SGTB: variants seen among roughly 807,000 people sequenced by gnomAD.
SGTB encodes the protein small glutamine-rich tetratricopeptide repeat-containing protein beta.
Under a neutral mutation model 43.9 loss-of-function variants are expected in SGTB, and 19 were observed. The ratio of observed to expected loss-of-function variants is 0.43; its 90% CI spans 0.30 to 0.63. The LOEUF is 0.63. Among genes scored for constraint, SGTB ranks in the 30% least tolerant of loss-of-function variants. The pLI, the probability that SGTB is intolerant of heterozygous loss-of-function variation, is 0.12. For missense variants in SGTB, 304 were observed against 358.9 expected (o/e 0.85, Z 1.24); for synonymous variants, 116 against 117.3 (o/e 0.99, Z 0.07).
At chr5:65,716,302 A>G (rs1245376385) in intron 2 of SGTB, among the ~76,000 whole-genome samples, 1 of 152,248 alleles carries the variant, frequency 6.6e-6, no homozygotes, top group Non-Finnish European at 1.5e-5. Flanking sequence ...AATATGTCAC[A>G]GAAGTCAAAT....
chr5:65,700,611 G>A (rs1037617852), intron 5 of SGTB, among the ~76,000 whole-genome samples: 29 of 150,814 alleles, frequency 1.9e-4, no homozygotes, highest in African/African-American at 6.8e-4. Context: ...AACCCGGGAG[G>A]CGGAGCTTGC....
At chr5:65,678,286 A>G (rs977593091) in intron 8 of SGTB, among the ~76,000 whole-genome samples, 1 of 152,240 alleles carries the variant, frequency 6.6e-6, no homozygotes, top group African/African-American at 2.4e-5. Context: ...AATACAGCTA[A>G]CAGGCAAAGT....
At chr5:65,672,369 A>G (rs1639634505) in intron 8 of SGTB, 88 bp from the exon 9 acceptor site, 2 of 1,512,022 alleles carry the variant, frequency 1.3e-6, no homozygotes, top group Admixed American at 3.4e-5. Flanking sequence ...AATGAAAGCT[A>G]AATCATGTAT....
intron 2 of SGTB, among the ~76,000 whole-genome samples, chr5:65,719,471 T>C (rs568492654): frequency 2.0e-5 from 3 of 152,102 alleles, no homozygotes; most frequent in African/African-American, 4.8e-5. Context: ...TGTACTCCTG[T>C]AGTCCCAGCT....
intron 8 of SGTB, among the ~76,000 whole-genome samples, chr5:65,672,589 A>G (rs1477837083): frequency 6.6e-6 from 1 of 152,206 alleles, no homozygotes; most frequent in African/African-American, 2.4e-5. Flanking sequence ...CTTTAAAAGT[A>G]TGGTTAAGGG....
At chr5:65,707,937 C>G (rs1453734023) in intron 4 of SGTB, among the ~76,000 whole-genome samples, 1 of 152,140 alleles carries the variant, frequency 6.6e-6, no homozygotes, top group East Asian at 1.9e-4. Context: ...TCACCTGGCT[C>G]CCGTCTATAG....
intron 5 of SGTB, among the ~76,000 whole-genome samples, chr5:65,701,934 A>G (rs1757833887): frequency 6.6e-6 from 1 of 152,204 alleles, no homozygotes; most frequent in Non-Finnish European, 1.5e-5. Context: ...CGCCCGGCCT[A>G]AATTAATTTT....
At chr5:65,671,170 CTG>C (rs1279735672) in intron 10 of SGTB, among the ~76,000 whole-genome samples, 1 of 152,180 alleles carries the variant, frequency 6.6e-6, no homozygotes, top group African/African-American at 2.4e-5. Flanking sequence ...TGACCTTCAT[CTG>C]TGTCCCTGAG....
At chr5:65,699,246 G>A (rs1757768142) in intron 5 of SGTB, among the ~76,000 whole-genome samples, 1 of 152,212 alleles carries the variant, frequency 6.6e-6, no homozygotes, top group South Asian at 2.1e-4. Context: ...AAGTTGGATG[G>A]AGCTGGAGAT....
chr5:65,669,458 G>A lies in SGTB; in HGVS notation c.*788C>T, dbSNP rs1757111420. The A allele has an allele frequency of 6.6e-6, 1 of 152,038 alleles. No individual in the cohort carries two copies. The highest frequency in any genetic ancestry group is 1.9e-4 in the East Asian group (1 of 5,204). The allele number at this position is 152,038 out of a possible 1,614,324, so 9.4% of individuals were successfully genotyped here. A position where few individuals can be genotyped will look rare whatever the true frequency, so the allele number is the denominator to read the frequency against. Reference sequence around the variant, plus strand: ...AACAGTTGTACCACTGACCTAACCAGTACATTAAGGATTTCTAAATGTATC... The same window carrying A: ...AACAGTTGTACCACTGACCTAACCAATACATTAAGGATTTCTAAATGTATC... On this transcript the variant is annotated 3_prime_UTR_variant, in exon 11 of 11. Transcript: ENST00000381007.
chr5:65,722,559 C>A, upstream of SGTB: 1 of 723,302 alleles, frequency 1.4e-6, no homozygotes, highest in Non-Finnish European at 2.2e-6. Context: ...GCAAGGTGGA[C>A]CCCTGGGGGA....
intron 5 of SGTB, among the ~76,000 whole-genome samples, chr5:65,696,208 A>T (rs1579870500): frequency 6.6e-6 from 1 of 152,044 alleles, no homozygotes; most frequent in African/African-American, 2.4e-5. Flanking sequence ...GGTCCTTCAA[A>T]TCCGACTCCA....
intron 6 of SGTB, 29 bp downstream of exon 6, chr5:65,685,339 A>G: frequency 1.9e-6 from 3 of 1,592,400 alleles, no homozygotes; most frequent in Non-Finnish European, 2.6e-6. Flanking sequence ...GCTACATGGT[A>G]CTACTTGGAA....
rs182159894 is a variant in SGTB, at chr5:65,688,012, G to A, written c.375-2540C>T. 2.6e-3 allele frequency among the ~76,000 whole-genome samples: 398 copies of A among 152,002 alleles called. 2 individuals are homozygous for A. The highest frequency in any genetic ancestry group is 0.017 in the South Asian group (83 of 4,806). ...TTGAACTCCTGACCTCAAGTGATCC[G>A]CCCACCTCGGCCTCCCCAAGTGCTG... On this transcript the variant is annotated intron_variant, in intron 5 of 10. Transcript: ENST00000381007.
chr5:65,699,416 A>C (rs1462233092), intron 5 of SGTB, among the ~76,000 whole-genome samples: 2 of 152,236 alleles, frequency 1.3e-5, no homozygotes, highest in African/African-American at 4.8e-5. Context: ...GAGAGATAAA[A>C]AACTACATGT....
At position 65,669,796 on chromosome 5, in the gene SGTB, G is replaced by T; in HGVS notation, c.*450C>A. 1 of 154,428 alleles carries T rather than the reference G, an allele frequency of 6.5e-6. No homozygotes were observed. The highest frequency in any genetic ancestry group is 1.4e-5 in the Non-Finnish European group (1 of 69,288). 9.6% of individuals were successfully genotyped at this position (154,428 alleles called of 1,614,324 possible). ...TTCTTTCCTGACATACTGCTCAGTG[G>T]CAAGTACACTTCTTCTCAACCAGCA... On this transcript the variant is annotated 3_prime_UTR_variant, in exon 11 of 11. Coordinates refer to ENST00000381007, the MANE Select transcript of SGTB (RefSeq NM_019072.3).
At chr5:65,715,954 G>T (rs1561168422) in intron 2 of SGTB, among the ~76,000 whole-genome samples, 3 of 152,226 alleles carry the variant, frequency 2.0e-5, no homozygotes, top group South Asian at 2.1e-4. Context: ...ATTTTTAGTA[G>T]AGAGGGAGTT....
At chr5:65,689,015 T>A (rs1361172632) in intron 5 of SGTB, among the ~76,000 whole-genome samples, 2 of 152,128 alleles carry the variant, frequency 1.3e-5, no homozygotes, top group Non-Finnish European at 2.9e-5. Context: ...TTTCACCGTG[T>A]TAGCCAGGAT....
intron 8 of SGTB, among the ~76,000 whole-genome samples, chr5:65,677,192 T>G: frequency 6.6e-6 from 1 of 151,942 alleles, no homozygotes; most frequent in East Asian, 1.9e-4. Flanking sequence ...AACAGTCCTA[T>G]GCGCATAAAC....
Sources: gnomAD v4.1 joint callset for allele counts (sites outside exome capture counted in the v4.1 genomes callset) on GRCh38, gnomAD v4.1.1 for gene constraint, MANE v1.5 for transcripts, NCBI Gene and HGNC (gene_info 2026-07-23, HGNC 2026-07-21) for gene names.